The following EMC2 variants were observed in gnomAD, a reference collection of about 807,000 sequenced individuals.
The protein encoded by EMC2 is ER membrane protein complex subunit 2.
Under a neutral mutation model 51.6 loss-of-function variants are expected in EMC2, and 37 were observed. That is an observed-to-expected ratio of 0.72 (90% confidence interval 0.55 to 0.94). The LOEUF (loss-of-function observed/expected upper bound fraction) is 0.94. Ranked by LOEUF, EMC2 falls within the 40% of genes least tolerant of loss-of-function variation. The probability of loss-of-function intolerance (pLI) is 0.00; values close to 1 mark genes in which losing one functional copy is unlikely to be tolerated. For missense variants in EMC2, 359 were observed against 350.9 expected (o/e 1.02, Z -0.18); for synonymous variants, 131 against 112.4 (o/e 1.17, Z -1.04).
chr8:108,443,905 C>T (rs1020031878), intron 1 of EMC2, among the ~76,000 whole-genome samples: 7 of 152,186 alleles, frequency 4.6e-5, no homozygotes, highest in African/African-American at 1.2e-4. Context: ...GTGTCTGCTC[C>T]TCGGTTGACC....
chr8:108,477,926 C>T (rs565630728), intron 9 of EMC2, among the ~76,000 whole-genome samples: 1 of 152,090 alleles, frequency 6.6e-6, no homozygotes, highest in South Asian at 2.1e-4. Context: ...AACTGAGACA[C>T]AGATTTAATT....
intron 3 of EMC2, among the ~76,000 whole-genome samples, chr8:108,451,749 G>T (rs1181737917): frequency 6.6e-6 from 1 of 152,116 alleles, no homozygotes; most frequent in Non-Finnish European, 1.5e-5. Context: ...AAAGTAGGAA[G>T]TCAAATTAGA....
intron 5 of EMC2, among the ~76,000 whole-genome samples, chr8:108,465,051 AG>A (rs1266107629): frequency 6.6e-6 from 1 of 152,084 alleles, no homozygotes; most frequent in Non-Finnish European, 1.5e-5. Context: ...ATCCTTTTCT[AG>A]GTAGTATCTC....
rs1402626469 is a variant in EMC2, at chr8:108,450,416, ATGTGTAT to A, written c.155-11_155-5del. 6.4e-7 allele frequency: 1 copy of A among 1,550,630 alleles called. No individual in the cohort carries two copies. Among genetic ancestry groups the A allele is most frequent in the Admixed American group, 1.7e-5 (1 of 59,444 alleles). ...TTAAATTCAGTTTTTTTCCCCCTTT[ATGTGTAT>A]CTAGTTTGGATCATATATGAACAGG... On this transcript the variant is annotated splice_region_variant and splice_polypyrimidine_tract_variant and intron_variant, in intron 2 of 10. Coordinates refer to ENST00000220853, the MANE Select transcript of EMC2 (RefSeq NM_014673.5).
At chr8:108,445,645 C>T (rs1277322399) in intron 1 of EMC2, among the ~76,000 whole-genome samples, 1 of 151,882 alleles carries the variant, frequency 6.6e-6, no homozygotes, top group Non-Finnish European at 1.5e-5. Flanking sequence ...AACACACCTG[C>T]AATCCTTCGA....
intron 1 of EMC2, among the ~76,000 whole-genome samples, chr8:108,449,098 A>G (rs1164361262): frequency 1.3e-5 from 2 of 152,116 alleles, no homozygotes; most frequent in Non-Finnish European, 2.9e-5. Context: ...TTACTTTGTT[A>G]TATGCCTGTT....
intron 9 of EMC2, among the ~76,000 whole-genome samples, 170 bp from the exon 10 acceptor site, chr8:108,478,836 T>C (rs1358093963): frequency 6.6e-6 from 1 of 151,926 alleles, no homozygotes; most frequent in African/African-American, 2.4e-5. Flanking sequence ...TTTTAAAATA[T>C]ATTTTCATTT....
intron 5 of EMC2, among the ~76,000 whole-genome samples, chr8:108,462,834 A>G (rs1464980539): frequency 6.6e-6 from 1 of 151,324 alleles, no homozygotes; most frequent in African/African-American, 2.4e-5. Context: ...TGCCGGGATT[A>G]CAGGAGTGAG....
Position 108,486,871 on chromosome 8 carries a change from TGTA to T in EMC2, c.*277_*279del. ...TACATGTATATATATAAAACTCTAA[TGTA>T]GTATAACCTTGTTAAATAAACCATG... On this transcript the variant is annotated 3_prime_UTR_variant, in exon 11 of 11. Transcript: ENST00000220853. 8.0e-6 allele frequency: 2 copies of T among 250,168 alleles called. No individual in the cohort carries two copies. Among genetic ancestry groups the T allele is most frequent in the South Asian group, 1.6e-4 (1 of 6,138 alleles). The allele number at this position is 250,168 out of a possible 1,614,324, so 15.5% of individuals were successfully genotyped here. A position where few individuals can be genotyped will look rare whatever the true frequency, so the allele number is the denominator to read the frequency against.
At chr8:108,457,166 A>G (rs1187427238) in intron 5 of EMC2, among the ~76,000 whole-genome samples, 1 of 152,212 alleles carries the variant, frequency 6.6e-6, no homozygotes, top group Admixed American at 6.5e-5. Context: ...GATATTCTGT[A>G]ATGATACTTA....
chr8:108,461,872 G>T (rs1242430440), intron 5 of EMC2, among the ~76,000 whole-genome samples: 2 of 152,022 alleles, frequency 1.3e-5, no homozygotes, highest in African/African-American at 4.8e-5. Context: ...TCTGTCGCCA[G>T]GCTGTGGCTC....
At chr8:108,485,407 CAT>C (rs906945369) in intron 10 of EMC2, among the ~76,000 whole-genome samples, 3 of 141,734 alleles carry the variant, frequency 2.1e-5, no homozygotes, top group African/African-American at 2.6e-5. Context: ...AAATGGGTAA[CAT>C]ATATATATAT....
chr8:108,469,223 T>C (rs1432788462), intron 5 of EMC2, among the ~76,000 whole-genome samples: 4 of 152,214 alleles, frequency 2.6e-5, no homozygotes, highest in African/African-American at 9.6e-5. Context: ...AGAAGTCTGG[T>C]ACATATTTGA....
chr8:108,449,665 T>G (rs550719995), intron 1 of EMC2, among the ~76,000 whole-genome samples, 158 bp from the exon 2 acceptor site: 2 of 152,346 alleles, frequency 1.3e-5, no homozygotes, highest in East Asian at 3.9e-4. Flanking sequence ...AATTTTCTAC[T>G]TTATCAAATT....
chr8:108,469,824 A>T lies in EMC2; in HGVS notation c.364-2A>T, dbSNP rs767775109. On this transcript the variant is annotated splice_acceptor_variant, in intron 5 of 10. Coordinates refer to ENST00000220853, the MANE Select transcript of EMC2 (RefSeq NM_014673.5). LOFTEE classifies it high-confidence loss of function. ...TAATCCTTTATTAATGTCAACCCAC[A>T]GGCTGCAAGAAAGCGTAAGATTGCC... 1.2e-6 allele frequency: 2 copies of T among 1,612,574 alleles called. No homozygotes were observed.
intron 3 of EMC2, among the ~76,000 whole-genome samples, chr8:108,451,216 A>AG (rs1819012619): frequency 3.9e-5 from 1 of 25,588 alleles, no homozygotes; most frequent in Non-Finnish European, 8.3e-5. Context: ...AAAAAAAAAG[A>AG]AAAAAATCAA....
At chr8:108,459,886 A>G (rs2130363101) in intron 5 of EMC2, among the ~76,000 whole-genome samples, 1 of 152,310 alleles carries the variant, frequency 6.6e-6, no homozygotes, top group Non-Finnish European at 1.5e-5. Context: ...AATAGCTTCT[A>G]TAAGCTAATG....
chr8:108,456,348 G>A (rs7836245), intron 5 of EMC2, among the ~76,000 whole-genome samples: 19,171 of 44,288 alleles, frequency 0.43, 3,994 homozygotes, highest in African/African-American at 0.62. Flanking sequence ...AAAAAAAAAA[G>A]AAAAAAAAAA....
chr8:108,459,471 AG>A (rs1339449309), intron 5 of EMC2, among the ~76,000 whole-genome samples: 1 of 152,218 alleles, frequency 6.6e-6, no homozygotes, highest in Non-Finnish European at 1.5e-5. Flanking sequence ...GAAGGCAAGG[AG>A]GAGCAAGTCA....
Sources: allele counts gnomAD v4.1 joint callset (sites outside exome capture counted in the v4.1 genomes callset), GRCh38; gene constraint gnomAD v4.1.1; transcripts MANE v1.5; gene names NCBI Gene and HGNC (gene_info 2026-07-23, HGNC 2026-07-21).